Variants in MYCT1 observed in about 807,000 individuals in gnomAD.
The protein encoded by MYCT1 is MYC target 1.
MYCT1 carries 12 observed loss-of-function variants against 15.0 expected under a neutral mutation model. The ratio of observed to expected loss-of-function variants is 0.80; its 90% CI spans 0.51 to 1.29. MYCT1 has a LOEUF of 1.29. MYCT1 is among the 50% of genes most tolerant of loss of function. The pLI, the probability that MYCT1 is intolerant of heterozygous loss-of-function variation, is 0.00. For synonymous variants in MYCT1, 104 were observed against 102.7 expected (o/e 1.01, Z -0.07); for missense variants, 287 against 279.1 (o/e 1.03, Z -0.20).
chr6:152,704,479 A>T (rs189417763), intron 1 of MYCT1, among the ~76,000 whole-genome samples: 2 of 152,144 alleles, frequency 1.3e-5, no homozygotes, highest in Non-Finnish European at 2.9e-5. Context: ...AATTTTTATC[A>T]CATAATTGTA....
downstream of MYCT1, among the ~76,000 whole-genome samples, chr6:152,729,002 GAAC>G (rs1393261257): frequency 6.6e-6 from 1 of 152,120 alleles, no homozygotes; most frequent in Non-Finnish European, 1.5e-5. Context: ...CAAGAATCAA[GAAC>G]AACATGTGCT....
At chr6:152,728,471 A>T (rs2099726034), downstream of MYCT1, among the ~76,000 whole-genome samples, 1 of 152,206 alleles carries the variant, frequency 6.6e-6, no homozygotes, top group African/African-American at 2.4e-5. Context: ...AGCTCACAGG[A>T]TCAATGGGAA....
At chr6:152,731,240 A>G in the MYCT1 span, among the ~76,000 whole-genome samples, 1 of 150,588 alleles carries the variant, frequency 6.6e-6, no homozygotes, top group African/African-American at 2.5e-5. Flanking sequence ...GTCGGGCAAG[A>G]TGAAATATGT....
intron 1 of MYCT1, among the ~76,000 whole-genome samples, chr6:152,713,693 C>T (rs1340149843): frequency 1.3e-5 from 2 of 152,052 alleles, no homozygotes; most frequent in African/African-American, 4.8e-5. Flanking sequence ...AGGAGTCAAC[C>T]AAAGATATGT....
At chr6:152,713,392 T>G (rs1373085333) in intron 1 of MYCT1, among the ~76,000 whole-genome samples, 2 of 152,142 alleles carry the variant, frequency 1.3e-5, no homozygotes, top group Non-Finnish European at 2.9e-5. Context: ...TAAAGTTTGT[T>G]TTTGTTGACT....
Position 152,712,490 on chromosome 6 carries a change from G to A in MYCT1, c.197-9252G>A, listed in dbSNP as rs1243794636. On this transcript the variant is annotated intron_variant, in intron 1 of 1. Coordinates refer to ENST00000367245, the MANE Select transcript of MYCT1 (RefSeq NM_025107.3). ...GCAATGCCTCGCCCTGCTTCGGCTCGCGCACGGTGCGCACACACACTGGCC... is the reference window on the plus strand; with the variant it reads ...GCAATGCCTCGCCCTGCTTCGGCTCACGCACGGTGCGCACACACACTGGCC... 3.3e-4 allele frequency among the ~76,000 whole-genome samples: 24 copies of A among 71,916 alleles called. 10 individuals are homozygous for A. The highest frequency in any genetic ancestry group is 7.0e-4 in the African/African-American group (19 of 27,124). 47.2% of individuals were successfully genotyped at this position (71,916 alleles called of 152,430 possible).
rs2099724809 is a variant in MYCT1 at position 152,722,067 on chromosome 6, A to G, written c.522A>G (p.Pro174=). 2 of 1,613,950 alleles carry G rather than the reference A, an allele frequency of 1.2e-6. No individual in the cohort carries two copies. Among genetic ancestry groups the G allele is most frequent in the African/African-American group, 2.7e-5 (2 of 74,874 alleles). The change falls in exon 2 of 2, where the codon CCA becomes CCG. Residue 174 remains proline (P), a synonymous_variant. Coordinates refer to ENST00000367245, the MANE Select transcript of MYCT1 (RefSeq NM_025107.3). The part of the protein sequence containing the change: ...ASTFHPFLQC[P]PLPVETESQL... ...CTTTCCATCCCTTTCTGCAATGTCC[A>G]CCACTTCCTGTGGAAACTGAGAGTC...
intron 1 of MYCT1, among the ~76,000 whole-genome samples, chr6:152,713,209 A>C (rs574576696): frequency 1.3e-5 from 2 of 151,978 alleles, no homozygotes; most frequent in African/African-American, 4.8e-5. Flanking sequence ...TAAATTTTTT[A>C]GTTCTCATTT....
intron 1 of MYCT1, 53 bp from the exon 2 acceptor site, chr6:152,721,689 T>C: frequency 6.5e-7 from 1 of 1,527,574 alleles, no homozygotes; most frequent in Non-Finnish European, 8.9e-7. Flanking sequence ...CCCTTGTTTT[T>C]AGTTGAAAAC....
chr6:152,738,912 G>A, the MYCT1 span, among the ~76,000 whole-genome samples: 4 of 151,478 alleles, frequency 2.6e-5, no homozygotes, highest in Admixed American at 1.3e-4. Context: ...TAAATATAAG[G>A]CACCATTACA....
chr6:152,730,028 A>G, the MYCT1 span, among the ~76,000 whole-genome samples: 8 of 152,266 alleles, frequency 5.3e-5, no homozygotes, highest in Non-Finnish European at 1.0e-4. Flanking sequence ...AGATGTGCCA[A>G]TCACATTGAA....
rs778233917 is a variant in MYCT1, at chr6:152,722,006, A to G, written c.461A>G (p.Asn154Ser). The G allele has an allele frequency of 3.7e-6, 6 of 1,614,126 alleles. No individual in the cohort carries two copies. The highest frequency in any genetic ancestry group is 5.1e-6 in the Non-Finnish European group (6 of 1,180,024). Residue 154 changes from asparagine (N) to serine (S), a missense_variant, in exon 2 of 2, where the codon AAT becomes AGT. Physicochemically the swap from Asn to Ser is conservative, Grantham distance 46. Transcript: ENST00000367245. ...FQRQASLEQA[N>S]SFPRKSSFRA... is the part of the protein sequence containing the mutation. ...CGACAAGCTTCCCTGGAACAAGCAAATTCCTTTCCAAGAAAATCAAGTTTC... is the reference window on the plus strand; with the variant it reads ...CGACAAGCTTCCCTGGAACAAGCAAGTTCCTTTCCAAGAAAATCAAGTTTC...
the MYCT1 span, among the ~76,000 whole-genome samples, chr6:152,742,656 C>T: frequency 6.6e-6 from 1 of 152,276 alleles, no homozygotes; most frequent in Non-Finnish European, 1.5e-5. Flanking sequence ...AGAAGTTGCA[C>T]AGGAGAGGGA....
At chr6:152,732,884 T>C in the MYCT1 span, among the ~76,000 whole-genome samples, 6 of 152,316 alleles carry the variant, frequency 3.9e-5, no homozygotes, top group South Asian at 1.2e-3. Flanking sequence ...ATGGATGCTC[T>C]TGTGCAGAAC....
chr6:152,742,580 G>C, the MYCT1 span, among the ~76,000 whole-genome samples: 1 of 152,130 alleles, frequency 6.6e-6, no homozygotes, highest in Non-Finnish European at 1.5e-5. Context: ...GATCACTTTA[G>C]CAGCATTATG....
At chr6:152,739,044 A>G in the MYCT1 span, among the ~76,000 whole-genome samples, 3,830 of 152,098 alleles carry the variant, frequency 0.025, 157 homozygotes, top group African/African-American at 0.087. Flanking sequence ...GCATCATCCA[A>G]AATACAGCTC....
At chr6:152,726,396 T>TAAA (rs55634200), downstream of MYCT1, among the ~76,000 whole-genome samples, 463 of 127,668 alleles carry the variant, frequency 3.6e-3, 7 homozygotes, top group Middle Eastern at 4.3e-3. Context: ...AAACTCTGTC[T>TAAA]AAAAAAAAAA....
chr6:152,701,052 T>C (rs1016528226), intron 1 of MYCT1, among the ~76,000 whole-genome samples: 2 of 152,182 alleles, frequency 1.3e-5, no homozygotes, highest in Admixed American at 6.6e-5. Context: ...GTTGATAATA[T>C]GAGTTAAAAC....
downstream of MYCT1, among the ~76,000 whole-genome samples, chr6:152,729,229 G>A (rs151166078): frequency 8.8e-4 from 134 of 152,184 alleles, 3 homozygotes; most frequent in African/African-American, 3.0e-3. Flanking sequence ...GATGCTAGGC[G>A]CGAATGTTCT....
Sources: allele counts gnomAD v4.1 joint callset (sites outside exome capture counted in the v4.1 genomes callset), GRCh38; gene constraint gnomAD v4.1.1; transcripts MANE v1.5; gene names NCBI Gene and HGNC (gene_info 2026-07-23, HGNC 2026-07-21).